The following ACSS3 variants were observed in gnomAD, a reference collection of about 807,000 sequenced individuals.
The protein encoded by ACSS3 is acyl-CoA synthetase short chain family member 3.
In ACSS3, 64 loss-of-function variants were observed where a neutral mutation model predicts 84.2. The observed-to-expected ratio is 0.76, with a 90% CI of 0.62 to 0.94. The LOEUF (loss-of-function observed/expected upper bound fraction) is 0.94, where lower values mean the gene tolerates loss of function less well. Ranked by LOEUF, ACSS3 falls within the 40% of genes least tolerant of loss-of-function variation. ACSS3 has a pLI of 0.00. For synonymous variants in ACSS3, 317 were observed against 310.1 expected, an observed-to-expected ratio of 1.02 and a Z score of -0.23; for missense variants, 815 against 867.6, an observed-to-expected ratio of 0.94 and a Z score of 0.76.
intron 1 of ACSS3, among the ~76,000 whole-genome samples, chr12:81,104,176 G>A (rs2121454850): frequency 6.6e-6 from 1 of 152,292 alleles, no homozygotes; most frequent in Middle Eastern, 3.4e-3. Flanking sequence ...GTGAGGAATG[G>A]CATGGCCATG....
chr12:81,232,195 T>A (rs2033487840), intron 12 of ACSS3, among the ~76,000 whole-genome samples: 1 of 151,596 alleles, frequency 6.6e-6, no homozygotes, highest in South Asian at 2.1e-4. Context: ...ATCATCAGAG[T>A]GCAGGTGGTG....
At chr12:81,213,583 TCCCCTCCCCTCCC>T (rs2032687034) in intron 9 of ACSS3, among the ~76,000 whole-genome samples, 3 of 23,060 alleles carry the variant, frequency 1.3e-4, no homozygotes, top group African/African-American at 6.0e-4. Flanking sequence ...TCTCCTCTCC[TCCCCTCCCCTCCC>T]CTCCCCTCCC....
At chr12:81,233,890 G>A (rs1248657855) in intron 13 of ACSS3, among the ~76,000 whole-genome samples, 3 of 151,506 alleles carry the variant, frequency 2.0e-5, no homozygotes. Flanking sequence ...AAAGTCTCCA[G>A]AAGAGGTTTT....
rs1178256681 is a variant in ACSS3, at chr12:81,161,260, T to C, written c.1098+9164T>C. 2.0e-5 allele frequency among the ~76,000 whole-genome samples: 3 copies of C among 152,348 alleles called. No homozygotes were observed. The East Asian group carries it at 5.8e-4, about 29-fold the overall frequency. ...AGCACCAAGAAAAAAGAAATCAGCA[T>C]ACAGGGATGTGTTGATTCAGCTACT... On this transcript the variant is annotated intron_variant, in intron 7 of 15. Transcript: ENST00000548058.
intron 7 of ACSS3, among the ~76,000 whole-genome samples, chr12:81,171,365 C>T (rs927233006): frequency 2.6e-5 from 4 of 151,854 alleles, no homozygotes; most frequent in Non-Finnish European, 4.4e-5. Context: ...TCCTTAATTT[C>T]ATAATTGTTT....
chr12:81,189,007 T>G (rs757902147), intron 8 of ACSS3, among the ~76,000 whole-genome samples: 37 of 152,118 alleles, frequency 2.4e-4, no homozygotes, highest in Non-Finnish European at 4.3e-4. Context: ...CCAAATCATC[T>G]TGGAGTTATT....
chr12:81,176,499 A>C (rs1484611440), intron 8 of ACSS3, among the ~76,000 whole-genome samples: 1 of 152,034 alleles, frequency 6.6e-6, no homozygotes, highest in Non-Finnish European at 1.5e-5. Flanking sequence ...GCTTGAACCC[A>C]GGAGGTGGAG....
intron 1 of ACSS3, among the ~76,000 whole-genome samples, chr12:81,102,667 C>A (rs1175896996): frequency 6.8e-6 from 1 of 146,756 alleles, no homozygotes. Context: ...CTAAAACTAC[C>A]AAAAAAAAAA....
At chr12:81,223,774 G>A (rs922503175) in intron 11 of ACSS3, among the ~76,000 whole-genome samples, 3 of 151,944 alleles carry the variant, frequency 2.0e-5, no homozygotes, top group Non-Finnish European at 4.4e-5. Flanking sequence ...GTGCAAAGTT[G>A]GGATTTAACC....
chr12:81,091,582 A>C (rs1490154206), intron 1 of ACSS3, among the ~76,000 whole-genome samples: 1 of 152,006 alleles, frequency 6.6e-6, no homozygotes, highest in Non-Finnish European at 1.5e-5. Flanking sequence ...TAATTTGATG[A>C]AATTTTCTCT....
intron 2 of ACSS3, among the ~76,000 whole-genome samples, chr12:81,119,116 G>A (rs1022142233): frequency 6.6e-6 from 1 of 152,132 alleles, no homozygotes; most frequent in Non-Finnish European, 1.5e-5. Context: ...ATCACATAGC[G>A]GTAGGACTGT....
At chr12:81,080,359 AT>A (rs1361805168) in intron 1 of ACSS3, among the ~76,000 whole-genome samples, 2 of 151,620 alleles carry the variant, frequency 1.3e-5, no homozygotes, top group East Asian at 1.9e-4. Flanking sequence ...GCTTGTCTAC[AT>A]TTTTTTAAAT....
intron 1 of ACSS3, among the ~76,000 whole-genome samples, chr12:81,098,455 C>T (rs1882246921): frequency 6.6e-6 from 1 of 152,062 alleles, no homozygotes; most frequent in African/African-American, 2.4e-5. Flanking sequence ...TTGTTTATAT[C>T]AATTAGCCTG....
chr12:81,178,859 C>A (rs1593165445), intron 8 of ACSS3, among the ~76,000 whole-genome samples: 1 of 152,094 alleles, frequency 6.6e-6, no homozygotes. Flanking sequence ...ACAAAAAGAA[C>A]GAAGCCAGAG....
At chr12:81,090,678 A>G (rs191910833) in intron 1 of ACSS3, among the ~76,000 whole-genome samples, 9 of 152,178 alleles carry the variant, frequency 5.9e-5, no homozygotes, top group Non-Finnish European at 1.3e-4. Context: ...TCTAAGCTTT[A>G]TTTTGAGGCA....
At chr12:81,229,223 T>A (rs558696102) in intron 11 of ACSS3, among the ~76,000 whole-genome samples, 2 of 151,980 alleles carry the variant, frequency 1.3e-5, no homozygotes, top group Admixed American at 1.3e-4. Context: ...TCATTATATA[T>A]TTCTTGGGAG....
At chr12:81,085,894 G>C (rs865799808) in intron 1 of ACSS3, among the ~76,000 whole-genome samples, 1 of 151,954 alleles carries the variant, frequency 6.6e-6, no homozygotes, top group Non-Finnish European at 1.5e-5. Flanking sequence ...ATTATTCTAG[G>C]GTTCTTGGGC....
intron 13 of ACSS3, among the ~76,000 whole-genome samples, chr12:81,248,680 T>C (rs141666570): frequency 2.6e-5 from 4 of 152,090 alleles, no homozygotes; most frequent in African/African-American, 9.6e-5. Flanking sequence ...TAACAATGTA[T>C]AGTTCAAAAT....
intron 5 of ACSS3, 167 bp from the exon 6 acceptor site, chr12:81,151,677 G>A (rs1886615937): frequency 1.8e-6 from 1 of 562,182 alleles, no homozygotes; most frequent in East Asian, 3.0e-5. Context: ...GACTATTGAA[G>A]GACCCAAAGA....
Sources: gnomAD v4.1 joint callset for allele counts (sites outside exome capture counted in the v4.1 genomes callset) on GRCh38, gnomAD v4.1.1 for gene constraint, MANE v1.5 for transcripts, NCBI Gene and HGNC (gene_info 2026-07-23, HGNC 2026-07-21) for gene names.